The following WDPCP variants were observed in gnomAD, a reference collection of about 807,000 sequenced individuals.
WDPCP encodes the protein WD repeat-containing and planar cell polarity effector protein fritz homolog.
A neutral mutation model predicts 93.1 loss-of-function variants in WDPCP; 71 were observed. That is an observed-to-expected ratio of 0.76 (90% CI 0.63 to 0.93). The LOEUF (loss-of-function observed/expected upper bound fraction) is 0.93, where lower values mean the gene tolerates loss of function less well. WDPCP is among the 40% of genes least tolerant of loss of function. The pLI is 0.00. For missense variants in WDPCP, 844 were observed against 887.4 expected (o/e 0.95, Z 0.62); for synonymous variants, 315 against 315.0 (o/e 1.00, Z 0.00).
intron 3 of WDPCP, among the ~76,000 whole-genome samples, chr2:63,603,712 C>T (rs916836812): frequency 2.2e-5 from 3 of 138,138 alleles, no homozygotes; most frequent in Non-Finnish European, 4.5e-5. Flanking sequence ...TGCTGGAGTG[C>T]AGTGGTGCGA....
intron 3 of WDPCP, among the ~76,000 whole-genome samples, chr2:63,627,766 A>T (rs1430902870): frequency 6.6e-6 from 1 of 152,184 alleles, no homozygotes; most frequent in African/African-American, 2.4e-5. Context: ...TCCATCGGCA[A>T]TAAAATCCTC....
chr2:63,424,557 A>G (rs555801666), intron 9 of WDPCP, among the ~76,000 whole-genome samples: 7 of 152,256 alleles, frequency 4.6e-5, no homozygotes, highest in East Asian at 1.9e-4. Flanking sequence ...GACTGCCCCA[A>G]TATGGCCGGT....
At chr2:63,481,800 C>T (rs890959337) in intron 6 of WDPCP, among the ~76,000 whole-genome samples, 6 of 151,622 alleles carry the variant, frequency 4.0e-5, no homozygotes, top group South Asian at 2.1e-4. Flanking sequence ...GAATACTGCT[C>T]GGGTGATGGG....
At chr2:63,264,100 A>T (rs540277215) in intron 13 of WDPCP, among the ~76,000 whole-genome samples, 81 of 152,292 alleles carry the variant, frequency 5.3e-4, no homozygotes, top group African/African-American at 1.7e-3. Context: ...AGGCCCTGTA[A>T]AACATGGATG....
chr2:63,390,431 G>T (rs183830436), intron 10 of WDPCP, among the ~76,000 whole-genome samples: 1 of 152,150 alleles, frequency 6.6e-6, no homozygotes, highest in East Asian at 1.9e-4. Context: ...AGCACTAAAT[G>T]CCCTCAAGAG....
At chr2:63,220,771 T>C (rs1228022954) in intron 14 of WDPCP, among the ~76,000 whole-genome samples, 1 of 152,184 alleles carries the variant, frequency 6.6e-6, no homozygotes, top group Non-Finnish European at 1.5e-5. Context: ...TAGGTAAACA[T>C]GTGCCATGGT....
intron 9 of WDPCP, among the ~76,000 whole-genome samples, chr2:63,405,722 A>G (rs1459583936): frequency 6.6e-6 from 1 of 152,144 alleles, no homozygotes; most frequent in Non-Finnish European, 1.5e-5. Flanking sequence ...AACATGGAAC[A>G]CAATGCAGAA....
At chr2:63,836,544 T>C in the WDPCP span, among the ~76,000 whole-genome samples, 1 of 152,226 alleles carries the variant, frequency 6.6e-6, no homozygotes, top group Non-Finnish European at 1.5e-5. Context: ...ATTAGTTTTT[T>C]TATCTTTTCA....
chr2:63,279,521 T>A (rs1307930787), intron 13 of WDPCP, among the ~76,000 whole-genome samples: 1 of 152,164 alleles, frequency 6.6e-6, no homozygotes, highest in Non-Finnish European at 1.5e-5. Flanking sequence ...TGGGGAAAAG[T>A]TGAAAGCATT....
At chr2:63,666,428 G>C (rs1252436901) in intron 2 of WDPCP, among the ~76,000 whole-genome samples, 1 of 152,208 alleles carries the variant, frequency 6.6e-6, no homozygotes, top group African/African-American at 2.4e-5. Context: ...TCTGAAAGCA[G>C]AGATGTGTGA....
At chr2:63,266,180 T>TA (rs1395859488) in intron 13 of WDPCP, among the ~76,000 whole-genome samples, 1 of 152,062 alleles carries the variant, frequency 6.6e-6, no homozygotes, top group Non-Finnish European at 1.5e-5. Context: ...GGAAAAGAAA[T>TA]AAAAAGTATC....
chr2:63,598,341 C>T (rs1318575235), intron 3 of WDPCP, among the ~76,000 whole-genome samples: 2 of 152,044 alleles, frequency 1.3e-5, no homozygotes, highest in African/African-American at 4.8e-5. Context: ...GTTGGCCAGG[C>T]TGGTCTCGAA....
intron 12 of WDPCP, among the ~76,000 whole-genome samples, chr2:63,338,558 AAAAAAAAAAAAAT>A (rs1688574185): frequency 9.5e-5 from 2 of 21,122 alleles, no homozygotes; most frequent in African/African-American, 9.3e-4. Context: ...ATCTAAAAAA[AAAAAAAAAAAAAT>A]ATATATATAT....
At chr2:63,384,895 A>G (rs951818251) in intron 10 of WDPCP, among the ~76,000 whole-genome samples, 4 of 152,036 alleles carry the variant, frequency 2.6e-5, no homozygotes, top group Non-Finnish European at 4.4e-5. Flanking sequence ...ACTACAGACC[A>G]ATATTTCCCA....
chr2:63,575,350 T>C (rs1184700837), intron 1 of WDPCP, among the ~76,000 whole-genome samples: 2 of 129,440 alleles, frequency 1.5e-5, no homozygotes, highest in Admixed American at 1.6e-4. Context: ...ATACTGTATA[T>C]GGTATATACA....
intron 2 of WDPCP, among the ~76,000 whole-genome samples, chr2:63,677,666 G>A (rs185912924): frequency 1.1e-3 from 169 of 152,242 alleles, no homozygotes; most frequent in African/African-American, 3.6e-3. Flanking sequence ...TCTTCAAAAT[G>A]CTAAAAGAAA....
chr2:63,637,037 C>A (rs1482347386), intron 3 of WDPCP, among the ~76,000 whole-genome samples: 1 of 152,074 alleles, frequency 6.6e-6, no homozygotes, highest in Non-Finnish European at 1.5e-5. Flanking sequence ...ACACGAAAGG[C>A]ACAGGCAGTA....
chr2:63,627,889 C>T (rs1709826538), intron 3 of WDPCP, among the ~76,000 whole-genome samples: 1 of 152,248 alleles, frequency 6.6e-6, no homozygotes, highest in Non-Finnish European at 1.5e-5. Flanking sequence ...ACCCTCTGCC[C>T]TCCTGGTGGA....
At chr2:63,714,399 G>A (rs1669305525) in intron 2 of WDPCP, among the ~76,000 whole-genome samples, 1 of 151,944 alleles carries the variant, frequency 6.6e-6, no homozygotes, top group Non-Finnish European at 1.5e-5. Context: ...TCCTCCTCAG[G>A]TTCAGGGGAC....
Sources: allele counts gnomAD v4.1 joint callset (sites outside exome capture counted in the v4.1 genomes callset), GRCh38; gene constraint gnomAD v4.1.1; transcripts MANE v1.5; gene names NCBI Gene and HGNC (gene_info 2026-07-23, HGNC 2026-07-21).